PLXNC1: variants seen among roughly 807,000 people sequenced by gnomAD.
PLXNC1 encodes the protein plexin C1.
A neutral mutation model predicts 178.2 loss-of-function variants in PLXNC1; 75 were observed. The observed-to-expected ratio is 0.42, with a 90% CI of 0.35 to 0.51. The LOEUF is 0.51. PLXNC1 is among the 20% of genes least tolerant of loss of function. PLXNC1 has a pLI of 0.02. For synonymous variants in PLXNC1, 790 were observed against 779.9 expected (o/e 1.01, Z -0.22); for missense variants, 1,503 against 1,984.4 (o/e 0.76, Z 4.61).
chr12:94,193,029 G>T (rs1962781499), intron 4 of PLXNC1, among the ~76,000 whole-genome samples: 1 of 152,178 alleles, frequency 6.6e-6, no homozygotes, highest in Non-Finnish European at 1.5e-5. Context: ...TGGAGGAAGG[G>T]ATATCTAATC....
In PLXNC1 at chr12:94,305,309, T is replaced by A; in HGVS notation, c.*24T>A. ...AAGCACTCTGGGGCCTGGCTTAATCTGGCAAAGTTCTTCAGACGACTTGGG... is the reference window on the plus strand; with the variant it reads ...AAGCACTCTGGGGCCTGGCTTAATCAGGCAAAGTTCTTCAGACGACTTGGG... On this transcript the variant is annotated 3_prime_UTR_variant, in exon 31 of 31. Coordinates refer to ENST00000258526, the MANE Select transcript of PLXNC1 (RefSeq NM_005761.3). The A allele has an allele frequency of 6.8e-7, 1 of 1,473,892 alleles. No individual in the cohort carries two copies. The highest frequency in any genetic ancestry group is 9.4e-7 in the Non-Finnish European group (1 of 1,061,862). The allele number at this position is 1,473,892 out of a possible 1,614,324, so 91.3% of individuals were successfully genotyped here.
At chr12:94,165,978 A>G (rs551591511) in intron 1 of PLXNC1, among the ~76,000 whole-genome samples, 1 of 152,160 alleles carries the variant, frequency 6.6e-6, no homozygotes, top group South Asian at 2.1e-4. Flanking sequence ...TGGACTTCTC[A>G]CATCTCCCTG....
chr12:94,258,323 C>G (rs1400889983), intron 17 of PLXNC1, among the ~76,000 whole-genome samples: 1 of 151,880 alleles, frequency 6.6e-6, no homozygotes, highest in Non-Finnish European at 1.5e-5. Flanking sequence ...TTGCTTTTTA[C>G]TAGGGGAGGA....
rs1170857999 is a variant in PLXNC1, at chr12:94,279,675, T to A, written c.3775+26T>A. 2.5e-6 allele frequency: 4 copies of A among 1,608,568 alleles called. No individual in the cohort carries two copies. The East Asian group carries it at 6.7e-5, about 27-fold the overall frequency. On this transcript the variant is annotated intron_variant, in intron 22 of 30. Coordinates refer to ENST00000258526, the MANE Select transcript of PLXNC1 (RefSeq NM_005761.3). ...GTAAGGCGGTGCGGGAGCTATGTGG[T>A]CCCAGGCCCTGATGAGTGTCCCTCC... is the stretch of plus-strand genomic sequence containing the variant.
chr12:94,213,374 G>A (rs966451339), intron 5 of PLXNC1, among the ~76,000 whole-genome samples: 1 of 152,138 alleles, frequency 6.6e-6, no homozygotes, highest in African/African-American at 2.4e-5. Context: ...ATCTCATTGT[G>A]GTTTTGATTT....
chr12:94,262,391 TG>T, intron 20 of PLXNC1: 2 of 652,174 alleles, frequency 3.1e-6, no homozygotes, highest in African/African-American at 2.0e-5. Context: ...CTCTTTCTAC[TG>T]GATCTTGTGA....
chr12:94,248,507 C>T (rs1964592463), intron 14 of PLXNC1, 95 bp downstream of exon 14: 5 of 944,972 alleles, frequency 5.3e-6, no homozygotes, highest in African/African-American at 5.0e-5. Flanking sequence ...TTTCATGGAT[C>T]TTCAGATCCT....
chr12:94,164,463 C>A (rs937578434), intron 1 of PLXNC1, among the ~76,000 whole-genome samples: 4 of 151,544 alleles, frequency 2.6e-5, no homozygotes, highest in African/African-American at 7.3e-5. Flanking sequence ...ATGAGCCGGG[C>A]CATCTTTCAC....
intron 5 of PLXNC1, among the ~76,000 whole-genome samples, chr12:94,216,575 T>C (rs925297388): frequency 1.2e-4 from 18 of 152,386 alleles, no homozygotes; most frequent in Admixed American, 7.2e-4. Flanking sequence ...TTTGGCAGCA[T>C]GTTTCAAAAG....
At chr12:94,163,374 A>T (rs529832490) in intron 1 of PLXNC1, among the ~76,000 whole-genome samples, 104 of 152,266 alleles carry the variant, frequency 6.8e-4, no homozygotes, top group African/African-American at 2.0e-3. Flanking sequence ...ATAATAATAA[A>T]AAAAAGAATC....
At chr12:94,236,588 T>C (rs1964246774) in intron 9 of PLXNC1, among the ~76,000 whole-genome samples, 3 of 152,194 alleles carry the variant, frequency 2.0e-5, no homozygotes, top group African/African-American at 7.2e-5. Context: ...ATTAAGCATC[T>C]CTGGACTTTG....
At chr12:94,279,419 C>T (rs1169823715) in intron 21 of PLXNC1, 53 bp from the exon 22 acceptor site, 3 of 1,521,328 alleles carry the variant, frequency 2.0e-6, no homozygotes, top group Admixed American at 3.7e-5. Context: ...TATGAAATGC[C>T]TTTCAGATTG....
chr12:94,254,798 G>A lies in PLXNC1; in HGVS notation c.2893G>A (p.Val965Met). The change falls in exon 16 of 31, where the codon GTG becomes ATG. Residue 965 changes from valine (V) to methionine (M), a missense_variant. Coordinates refer to ENST00000258526, the MANE Select transcript of PLXNC1 (RefSeq NM_005761.3). ...LVIVIFAAVGVTRHKSKELSR... is the reference protein window; with the variant it reads ...LVIVIFAAVGMTRHKSKELSR... The stretch of plus-strand genomic sequence containing the variant: ...TCTCTGTCTCTTAGCGGCCGTGGGG[G>A]TGACCAGGCACAAATCGAAGGAGCT... 1.3e-6 allele frequency: 2 copies of A among 1,598,810 alleles called. No homozygotes were observed. The highest frequency in any genetic ancestry group is 1.7e-6 in the Non-Finnish European group (2 of 1,175,790).
At chr12:94,264,350 T>C (rs1296444481) in intron 20 of PLXNC1, among the ~76,000 whole-genome samples, 1 of 152,098 alleles carries the variant, frequency 6.6e-6, no homozygotes, top group Non-Finnish European at 1.5e-5. Context: ...CTTAAATTTG[T>C]AGAAAGAGCC....
intron 4 of PLXNC1, among the ~76,000 whole-genome samples, chr12:94,204,594 A>G (rs1963240329): frequency 6.6e-6 from 1 of 152,164 alleles, no homozygotes; most frequent in African/African-American, 2.4e-5. Context: ...GAGGCCTTTC[A>G]TTTGAAGTTT....
chr12:94,271,083 C>T (rs1454295528), intron 21 of PLXNC1, among the ~76,000 whole-genome samples: 1 of 152,172 alleles, frequency 6.6e-6, no homozygotes, highest in African/African-American at 2.4e-5. Flanking sequence ...TTTCTTGTTT[C>T]TTCTCTCTTT....
intron 9 of PLXNC1, among the ~76,000 whole-genome samples, chr12:94,228,990 A>G (rs1964019664): frequency 6.6e-6 from 1 of 152,202 alleles, no homozygotes; most frequent in Non-Finnish European, 1.5e-5. Flanking sequence ...ACCGTTTTCC[A>G]TAGCAACGAT....
intron 9 of PLXNC1, among the ~76,000 whole-genome samples, chr12:94,229,123 T>C (rs1565820458): frequency 6.6e-6 from 1 of 152,194 alleles, no homozygotes; most frequent in Non-Finnish European, 1.5e-5. Context: ...TGGTATCTCA[T>C]TGTGGTTTTG....
intron 5 of PLXNC1, among the ~76,000 whole-genome samples, chr12:94,215,163 G>C (rs532797158): frequency 3.9e-4 from 60 of 152,196 alleles, no homozygotes; most frequent in Non-Finnish European, 5.3e-4. Flanking sequence ...CTCCCAAAGT[G>C]CTGGGATTAC....
Sources: gnomAD v4.1 joint callset for allele counts (sites outside exome capture counted in the v4.1 genomes callset) on GRCh38, gnomAD v4.1.1 for gene constraint, MANE v1.5 for transcripts, NCBI Gene and HGNC (gene_info 2026-07-23, HGNC 2026-07-21) for gene names.